CACNA1B: variants seen among roughly 807,000 people sequenced by gnomAD.
CACNA1B encodes voltage-dependent N-type calcium channel subunit alpha-1B.
Under a neutral mutation model 247.2 loss-of-function variants are expected in CACNA1B, and 70 were observed. The ratio of observed to expected loss-of-function variants is 0.28; its 90% CI spans 0.23 to 0.35. CACNA1B has a LOEUF of 0.35. Among genes scored for constraint, CACNA1B ranks in the 10% least tolerant of loss-of-function variants. CACNA1B has a pLI of 1.00. For synonymous variants in CACNA1B, 1,231 were observed against 1,294.4 expected, an observed-to-expected ratio of 0.95 and a Z score of 1.05; for missense variants, 2,367 against 3,197.4, an observed-to-expected ratio of 0.74 and a Z score of 6.26.
At chr9:137,908,877 C>T (rs753007244) in intron 3 of CACNA1B, among the ~76,000 whole-genome samples, 11 of 151,944 alleles carry the variant, frequency 7.2e-5, no homozygotes, top group South Asian at 2.1e-4. Flanking sequence ...GTGATCCGTC[C>T]GCCTCGGCCT....
intron 12 of CACNA1B, among the ~76,000 whole-genome samples, chr9:137,983,111 C>T (rs1958313609): frequency 6.6e-6 from 1 of 152,200 alleles, no homozygotes; most frequent in Admixed American, 6.5e-5. Context: ...AGCTCATCAG[C>T]TTTGCAGTTG....
Position 137,907,170 on chromosome 9 carries a change from C to T in CACNA1B, c.531-6010C>T, listed in dbSNP as rs536740170. On this transcript the variant is annotated intron_variant, in intron 3 of 46. Coordinates refer to ENST00000371372, the MANE Select transcript of CACNA1B (RefSeq NM_000718.4). Reference sequence around the variant, plus strand: ...GATATATGATTATTTCACAGCTCTCCTCTACCCCTTAACATTATTTTAAAC... The same window carrying T: ...GATATATGATTATTTCACAGCTCTCTTCTACCCCTTAACATTATTTTAAAC... Among the ~76,000 whole-genome samples the T allele has an allele frequency of 7.2e-5, 11 of 152,358 alleles. No homozygotes were observed. In the East Asian group the frequency reaches 2.1e-3, roughly 29 times the overall value.
At chr9:138,047,253 A>AC in intron 22 of CACNA1B, 146 bp from the exon 23 acceptor site, 1 of 720,966 alleles carries the variant, frequency 1.4e-6, no homozygotes, top group Non-Finnish European at 2.4e-6. Flanking sequence ...CTTGTCAGAG[A>AC]CCCCCTTCCC....
Position 137,905,845 on chromosome 9 carries a change from T to TC in CACNA1B, c.531-7332dup, listed in dbSNP as rs111980521. The stretch of plus-strand genomic sequence containing the variant: ...CTGGTTCGCTGAAGACACTGTCACC[T>TC]CCCGACAAGTGAATGGAGGTGTCCT... On this transcript the variant is annotated intron_variant, in intron 3 of 46. Transcript: ENST00000371372. 6.2e-4 allele frequency among the ~76,000 whole-genome samples: 95 copies of TC among 152,372 alleles called. 2 individuals carry two copies. Among genetic ancestry groups the TC allele is most frequent in the African/African-American group, 2.1e-3 (88 of 41,592 alleles).
chr9:138,034,880 C>T (rs76945422), intron 20 of CACNA1B, among the ~76,000 whole-genome samples: 11 of 152,254 alleles, frequency 7.2e-5, no homozygotes, highest in South Asian at 2.1e-4. Flanking sequence ...TAACTACTCT[C>T]GCACTTTGGG....
intron 20 of CACNA1B, 103 bp from the exon 21 acceptor site, chr9:138,043,670 AG>A: frequency 7.5e-7 from 1 of 1,325,618 alleles, no homozygotes; most frequent in Non-Finnish European, 1.1e-6. Flanking sequence ...TGGGCCTGTG[AG>A]GACCTGACGC....
At chr9:138,070,557 A>G (rs1960090900) in intron 32 of CACNA1B, among the ~76,000 whole-genome samples, 1 of 152,272 alleles carries the variant, frequency 6.6e-6, no homozygotes, top group Non-Finnish European at 1.5e-5. Flanking sequence ...GACTGTGGAA[A>G]TTAATATAAA....
At chr9:138,043,654 C>G in intron 20 of CACNA1B, 120 bp from the exon 21 acceptor site, 3 of 1,093,720 alleles carry the variant, frequency 2.7e-6, no homozygotes, top group Non-Finnish European at 4.1e-6. Flanking sequence ...GCTTGCCCAT[C>G]CCTGGTGGGC....
At chr9:138,005,388 C>T (rs1478187592) in intron 15 of CACNA1B, among the ~76,000 whole-genome samples, 2 of 152,144 alleles carry the variant, frequency 1.3e-5, no homozygotes, top group South Asian at 2.1e-4. Flanking sequence ...CACATGTTCT[C>T]ACTCAGATGT....
At chr9:137,982,275 A>T (rs10732689) in intron 12 of CACNA1B, among the ~76,000 whole-genome samples, 47,753 of 151,986 alleles carry the variant, frequency 0.31, 9,885 homozygotes, top group East Asian at 0.65. Context: ...ATGGACCTCA[A>T]AACATCTGCT....
intron 44 of CACNA1B, among the ~76,000 whole-genome samples, chr9:138,119,635 T>C (rs1333365386): frequency 6.6e-6 from 1 of 152,090 alleles, no homozygotes; most frequent in Non-Finnish European, 1.5e-5. Context: ...GTCCTTCCTC[T>C]CTTGTCTCTT....
chr9:137,926,951 A>G (rs950998938), intron 6 of CACNA1B, among the ~76,000 whole-genome samples: 5 of 152,176 alleles, frequency 3.3e-5, no homozygotes, highest in Admixed American at 2.0e-4. Flanking sequence ...TTTCAGATAT[A>G]TGATTTACGA....
intron 20 of CACNA1B, among the ~76,000 whole-genome samples, chr9:138,034,494 T>C (rs1425338985): frequency 2.0e-5 from 3 of 151,690 alleles, no homozygotes; most frequent in Non-Finnish European, 4.4e-5. Flanking sequence ...GGCTATTGTT[T>C]AGTGATTATT....
At chr9:138,097,866 A>T (rs981866242) in intron 37 of CACNA1B, among the ~76,000 whole-genome samples, 1 of 152,084 alleles carries the variant, frequency 6.6e-6, no homozygotes, top group Non-Finnish European at 1.5e-5. Flanking sequence ...ACAGACACAA[A>T]AGGCCTGGGA....
chr9:138,123,101 C>G lies in CACNA1B; in HGVS notation c.*1102C>G, dbSNP rs564477827. ...TTCTGCATATGATTCTCAGGGCACA[C>G]TCTGTGGTATGTGAAATAGGTTTCC... On this transcript the variant is annotated 3_prime_UTR_variant, in exon 47 of 47. Transcript: ENST00000371372. 6.6e-6 allele frequency: 1 copy of G among 152,332 alleles called. No homozygotes were observed. Among genetic ancestry groups the G allele is most frequent in the East Asian group, 1.9e-4 (1 of 5,190 alleles). 9.4% of individuals were successfully genotyped at this position (152,332 alleles called of 1,614,324 possible). A position where few individuals can be genotyped will look rare whatever the true frequency, so the allele number is the denominator to read the frequency against.
intron 36 of CACNA1B, among the ~76,000 whole-genome samples, chr9:138,086,295 C>T (rs1336568111): frequency 6.6e-6 from 1 of 151,086 alleles, no homozygotes; most frequent in Non-Finnish European, 1.5e-5. Flanking sequence ...AAAACATACT[C>T]CACGTAAACA....
rs191965532 is a variant in CACNA1B at position 138,078,369 on chromosome 9, G to T, written c.5094+111G>T. 322 of 1,104,832 alleles carry T rather than the reference G, an allele frequency of 2.9e-4. 4 individuals carry two copies. The East Asian group carries it at 4.6e-3, about 16-fold the overall frequency. The allele number at this position is 1,104,832 out of a possible 1,614,324, so 68.4% of individuals were successfully genotyped here. A position where few individuals can be genotyped will look rare whatever the true frequency, so the allele number is the denominator to read the frequency against. On this transcript the variant is annotated intron_variant, in intron 36 of 46. Coordinates refer to ENST00000371372, the MANE Select transcript of CACNA1B (RefSeq NM_000718.4). Reference sequence around the variant, plus strand: ...GACTCTGATCCAGGCCATGTCAGAAGCTGAGTCCATGCTGATGGCCCTTGT... The same window carrying T: ...GACTCTGATCCAGGCCATGTCAGAATCTGAGTCCATGCTGATGGCCCTTGT...
rs372854141 is a variant in CACNA1B, at chr9:138,116,722, G to C, written c.5777+1043G>C. Among the ~76,000 whole-genome samples, 19 of 152,336 alleles carry C rather than the reference G, an allele frequency of 1.2e-4. No individual in the cohort carries two copies. The East Asian group carries it at 3.3e-3, about 26-fold the overall frequency. Reference sequence around the variant, plus strand: ...TATTTATTGAGCCATTTAGTGAGCGGGTTGAGCACACCTCTGGCCTTGGAC... The same window carrying C: ...TATTTATTGAGCCATTTAGTGAGCGCGTTGAGCACACCTCTGGCCTTGGAC... On this transcript the variant is annotated intron_variant, in intron 42 of 46. Coordinates refer to ENST00000371372, the MANE Select transcript of CACNA1B (RefSeq NM_000718.4).
At chr9:137,924,988 G>A (rs536582276) in intron 6 of CACNA1B, among the ~76,000 whole-genome samples, 1 of 152,358 alleles carries the variant, frequency 6.6e-6, no homozygotes, top group South Asian at 2.1e-4. Flanking sequence ...GATACAGGAA[G>A]CTTGTTTATA....
Sources: gnomAD v4.1 joint callset for allele counts (sites outside exome capture counted in the v4.1 genomes callset) on GRCh38, gnomAD v4.1.1 for gene constraint, MANE v1.5 for transcripts, NCBI Gene and HGNC (gene_info 2026-07-23, HGNC 2026-07-21) for gene names.